Variants in NSG2 observed in about 807,000 individuals in gnomAD.
The protein encoded by NSG2 is neuronal vesicle trafficking-associated protein 2.
NSG2 carries 4 observed loss-of-function variants against 16.9 expected under a neutral mutation model. That is an observed-to-expected ratio of 0.24 (90% CI 0.12 to 0.54). The LOEUF (loss-of-function observed/expected upper bound fraction) is 0.54, where lower values mean the gene tolerates loss of function less well. Ranked by LOEUF, NSG2 falls within the 20% of genes least tolerant of loss-of-function variation. The pLI is 0.95. For synonymous variants in NSG2, 98 were observed against 88.7 expected (o/e 1.11, Z -0.59); for missense variants, 179 against 221.1 (o/e 0.81, Z 1.21).
In NSG2 at chr5:174,064,318, C is replaced by T. The variant is rs540856868; in HGVS notation, c.213+3C>T. ...TGCCGAAAATCGCTGAATTTACGGT[C>T]AGTTTCTTGATGGTGTAATAGAAAG... On this transcript the variant is annotated splice_donor_region_variant and intron_variant, in intron 3 of 4. Transcript: ENST00000303177. The T allele has an allele frequency of 6.2e-7, 1 of 1,607,710 alleles. No homozygotes were observed. Among genetic ancestry groups the T allele is most frequent in the Middle Eastern group, 1.7e-4 (1 of 6,040 alleles).
intron 3 of NSG2, among the ~76,000 whole-genome samples, chr5:174,097,324 T>A (rs961178970): frequency 2.6e-5 from 4 of 151,854 alleles, no homozygotes; most frequent in Non-Finnish European, 5.9e-5. Context: ...GTTGGGCACA[T>A]GTGTGGGGTG....
Position 174,072,846 on chromosome 5 carries a change from G to A in NSG2, c.213+8531G>A, listed in dbSNP as rs963291974. On this transcript the variant is annotated intron_variant, in intron 3 of 4. Coordinates refer to ENST00000303177, the MANE Select transcript of NSG2 (RefSeq NM_015980.5). The surrounding 1 kb of genome is among the most constrained non-coding windows in gnomAD (Gnocchi z 4.0). ...AAAAAATGCAAAAAATTAACTGGAT[G>A]TGGTTATGCATGCCTGTGGTCCCAG... Among the ~76,000 whole-genome samples, 2 of 152,186 alleles carry A rather than the reference G, an allele frequency of 1.3e-5. No individual in the cohort carries two copies. The highest frequency in any genetic ancestry group is 4.8e-5 in the African/African-American group (2 of 41,450).
chr5:174,076,694 C>T (rs1291770257), intron 3 of NSG2, among the ~76,000 whole-genome samples: 9 of 152,190 alleles, frequency 5.9e-5, no homozygotes, highest in Admixed American at 4.6e-4. Context: ...CTGGAACAAT[C>T]GTTCTCAGTC....
chr5:174,099,625 A>G (rs1480326205), intron 3 of NSG2, among the ~76,000 whole-genome samples: 3 of 152,008 alleles, frequency 2.0e-5, no homozygotes, highest in South Asian at 4.1e-4. Flanking sequence ...CCAGGCCCCC[A>G]GGCTTCCCCA....
chr5:174,062,122 C>A (rs1760062703), intron 2 of NSG2, among the ~76,000 whole-genome samples: 1 of 152,088 alleles, frequency 6.6e-6, no homozygotes, highest in Admixed American at 6.5e-5. Context: ...GAATGTCTAA[C>A]TTGCATCAAC....
At chr5:174,083,612 G>A (rs531644342) in intron 3 of NSG2, among the ~76,000 whole-genome samples, 44 of 152,312 alleles carry the variant, frequency 2.9e-4, no homozygotes, top group Non-Finnish European at 5.0e-4. Context: ...TGCTTGCAAA[G>A]CTTCCTTGCA....
At chr5:174,069,220 G>A (rs576643120) in intron 3 of NSG2, among the ~76,000 whole-genome samples, 1 of 152,174 alleles carries the variant, frequency 6.6e-6, no homozygotes, top group African/African-American at 2.4e-5. Context: ...TGGTGCCAAG[G>A]AGAGTGCTGG....
chr5:174,049,372 CA>C (rs1287887664), intron 2 of NSG2, among the ~76,000 whole-genome samples: 1 of 151,950 alleles, frequency 6.6e-6, no homozygotes, highest in Non-Finnish European at 1.5e-5. Context: ...AACAAAAAAA[CA>C]AACTACAAGA....
intron 2 of NSG2, among the ~76,000 whole-genome samples, chr5:174,060,400 C>A (rs1168482346): frequency 6.6e-6 from 1 of 151,770 alleles, no homozygotes; most frequent in Non-Finnish European, 1.5e-5. Context: ...TTACTAGTCT[C>A]TGAGTTTGCA....
chr5:174,081,058 C>T (rs1760455840), intron 3 of NSG2, among the ~76,000 whole-genome samples: 1 of 151,568 alleles, frequency 6.6e-6, no homozygotes, highest in African/African-American at 2.4e-5. Flanking sequence ...ATTATTTATA[C>T]TTAATAAAAA....
chr5:174,046,962 C>T, intron 2 of NSG2, 78 bp downstream of exon 2: 1 of 1,473,214 alleles, frequency 6.8e-7, no homozygotes, highest in South Asian at 1.2e-5. Flanking sequence ...AAATTCCACC[C>T]CCCAAATCCT....
At chr5:174,104,200 T>A in intron 3 of NSG2, 28 bp from the exon 4 acceptor site, 1 of 1,553,966 alleles carries the variant, frequency 6.4e-7, no homozygotes, top group Non-Finnish European at 8.9e-7. Context: ...AGACTGAGGC[T>A]GGATGACTTA....
At chr5:174,085,087 G>A (rs891485442) in intron 3 of NSG2, among the ~76,000 whole-genome samples, 3 of 152,218 alleles carry the variant, frequency 2.0e-5, no homozygotes, top group Non-Finnish European at 2.9e-5. Flanking sequence ...ATTAAGCAGT[G>A]CAGCCAGGCC....
intron 2 of NSG2, among the ~76,000 whole-genome samples, chr5:174,049,369 A>G (rs547304504): frequency 4.0e-4 from 61 of 151,096 alleles, no homozygotes; most frequent in African/African-American, 1.4e-3. Context: ...ACAAACAAAA[A>G]AACAAACTAC....
intron 2 of NSG2, among the ~76,000 whole-genome samples, chr5:174,055,830 C>T (rs1759960021): frequency 6.6e-6 from 1 of 152,144 alleles, no homozygotes; most frequent in Non-Finnish European, 1.5e-5. Context: ...ATCCCTTTCC[C>T]GCTCTATGCC....
At chr5:174,052,454 A>G (rs1759904006) in intron 2 of NSG2, among the ~76,000 whole-genome samples, 1 of 152,164 alleles carries the variant, frequency 6.6e-6, no homozygotes, top group African/African-American at 2.4e-5. Context: ...TGCAGTGGGC[A>G]GTGGAAATTA....
intron 3 of NSG2, among the ~76,000 whole-genome samples, chr5:174,075,254 C>T (rs939047457): frequency 6.6e-6 from 1 of 152,074 alleles, no homozygotes; most frequent in African/African-American, 2.4e-5. Context: ...AATTAAGCCA[C>T]TCGGGGTCAT....
At chr5:174,104,183 G>C (rs749674960) in intron 3 of NSG2, 45 bp from the exon 4 acceptor site, 2 of 1,401,506 alleles carry the variant, frequency 1.4e-6, no homozygotes, top group Non-Finnish European at 2.0e-6. Flanking sequence ...GGGGACTGAA[G>C]GTGGGCAGAC....
Position 174,046,896 on chromosome 5 carries a change from C to G in NSG2, c.129+12C>G, listed in dbSNP as rs1296050563. 6.2e-7 allele frequency: 1 copy of G among 1,613,776 alleles called. No homozygotes were observed. The highest frequency in any genetic ancestry group is 1.7e-5 in the Admixed American group (1 of 59,980). On this transcript the variant is annotated intron_variant, in intron 2 of 4. Transcript: ENST00000303177. ...CTGCTCCAGAAAAGGTAAAGCATGTCCTCTTGCTCTCATCAGCCCCCAGGC... is the reference window on the plus strand; with the variant it reads ...CTGCTCCAGAAAAGGTAAAGCATGTGCTCTTGCTCTCATCAGCCCCCAGGC...
Sources: allele counts gnomAD v4.1 joint callset (sites outside exome capture counted in the v4.1 genomes callset), GRCh38; gene constraint gnomAD v4.1.1; non-coding constraint Gnocchi (gnomAD v3.1); transcripts MANE v1.5; gene names NCBI Gene and HGNC (gene_info 2026-07-23, HGNC 2026-07-21).